RGS6: variants seen among roughly 807,000 people sequenced by gnomAD.
The protein encoded by RGS6 is regulator of G protein signaling 6.
A neutral mutation model predicts 78.5 loss-of-function variants in RGS6; 30 were observed. The ratio of observed to expected loss-of-function variants is 0.38; its 90% CI spans 0.29 to 0.52. The LOEUF (loss-of-function observed/expected upper bound fraction) is 0.52. RGS6 is among the 20% of genes least tolerant of loss of function. RGS6 has a pLI of 0.85. For synonymous variants in RGS6, 206 were observed against 206.0 expected, an observed-to-expected ratio of 1.00 and a Z score of 0.00; for missense variants, 495 against 609.7, an observed-to-expected ratio of 0.81 and a Z score of 1.98.
chr14:72,062,908 C>A (rs2093962908), intron 2 of RGS6, among the ~76,000 whole-genome samples: 1 of 152,226 alleles, frequency 6.6e-6, no homozygotes, highest in East Asian at 1.9e-4. Context: ...CTCACTGCAC[C>A]CTCTGCCACC....
At chr14:72,400,210 A>G (rs746526278) in intron 3 of RGS6, among the ~76,000 whole-genome samples, 1 of 152,258 alleles carries the variant, frequency 6.6e-6, no homozygotes, top group African/African-American at 2.4e-5. Flanking sequence ...TCTCTAAGCC[A>G]GAAGAGAGTG....
intron 1 of RGS6, among the ~76,000 whole-genome samples, chr14:71,947,020 A>G (rs2091624653): frequency 6.6e-6 from 1 of 152,186 alleles, no homozygotes; most frequent in Non-Finnish European, 1.5e-5. Context: ...TGCCACAGTG[A>G]ATTTCCAGTT....
chr14:71,981,995 G>A (rs560665250), intron 2 of RGS6, among the ~76,000 whole-genome samples: 59 of 152,122 alleles, frequency 3.9e-4, no homozygotes, highest in African/African-American at 1.3e-3. Flanking sequence ...GTGGTGCGCC[G>A]TTTTTTAAGC....
intron 2 of RGS6, among the ~76,000 whole-genome samples, chr14:72,204,947 A>G (rs888039408): frequency 1.1e-4 from 17 of 152,332 alleles, no homozygotes; most frequent in Admixed American, 5.9e-4. Flanking sequence ...TTTGGCCACC[A>G]TGGACTCCAG....
intron 2 of RGS6, among the ~76,000 whole-genome samples, chr14:72,273,404 A>T (rs1252328463): frequency 6.6e-6 from 1 of 151,968 alleles, no homozygotes; most frequent in East Asian, 1.9e-4. Context: ...CTTTAATCAC[A>T]GCTGTGTGGA....
intron 2 of RGS6, among the ~76,000 whole-genome samples, chr14:71,975,968 C>A (rs1488268023): frequency 4.6e-5 from 7 of 152,090 alleles, no homozygotes; most frequent in Non-Finnish European, 8.8e-5. Context: ...TTCACTAATT[C>A]TCTCTTCAAT....
chr14:72,317,573 A>G (rs1429594056), intron 2 of RGS6, among the ~76,000 whole-genome samples: 1 of 152,060 alleles, frequency 6.6e-6, no homozygotes, highest in Non-Finnish European at 1.5e-5. Context: ...GAAGGTCAAT[A>G]CTTGATTTGG....
intron 2 of RGS6, among the ~76,000 whole-genome samples, chr14:72,167,082 G>C (rs185833642): frequency 3.3e-5 from 5 of 151,986 alleles, no homozygotes; most frequent in African/African-American, 9.7e-5. Flanking sequence ...CCCTGCTTTC[G>C]AGTCTCTGAT....
chr14:71,966,879 GAC>G (rs2093553540), intron 2 of RGS6, among the ~76,000 whole-genome samples: 1 of 151,650 alleles, frequency 6.6e-6, no homozygotes, highest in African/African-American at 2.4e-5. Context: ...TTTTTTTTAA[GAC>G]ACAGGAAAAC....
At chr14:72,624,721 T>C in the RGS6 span, among the ~76,000 whole-genome samples, 1 of 152,118 alleles carries the variant, frequency 6.6e-6, no homozygotes, top group Non-Finnish European at 1.5e-5. Flanking sequence ...TATCCTTCAA[T>C]CTGTGACAGT....
At chr14:71,971,323 A>G (rs78374563) in intron 2 of RGS6, among the ~76,000 whole-genome samples, 3,031 of 152,200 alleles carry the variant, frequency 0.02, 101 homozygotes, top group African/African-American at 0.068. Flanking sequence ...GAGAATCGCA[A>G]TGTCAGAGAA....
intron 1 of RGS6, among the ~76,000 whole-genome samples, chr14:71,935,141 C>T (rs1159177249): frequency 1.3e-5 from 2 of 152,162 alleles, no homozygotes; most frequent in Admixed American, 6.5e-5. Context: ...ACTATACACA[C>T]ACTATCCTGC....
At chr14:72,099,752 T>C (rs995297650) in intron 2 of RGS6, among the ~76,000 whole-genome samples, 2 of 152,218 alleles carry the variant, frequency 1.3e-5, no homozygotes, top group African/African-American at 2.4e-5. Flanking sequence ...GGGGATTATT[T>C]GTCTTTAGAC....
At chr14:72,343,229 G>A (rs143714870) in intron 2 of RGS6, among the ~76,000 whole-genome samples, 1 of 152,356 alleles carries the variant, frequency 6.6e-6, no homozygotes. Flanking sequence ...TAGCAGGACT[G>A]TGTTTCTTTC....
intron 2 of RGS6, among the ~76,000 whole-genome samples, chr14:72,345,283 C>T (rs1286624345): frequency 6.6e-6 from 1 of 152,180 alleles, no homozygotes; most frequent in Non-Finnish European, 1.5e-5. Context: ...GTCAGCACCA[C>T]ACACATATGG....
At chr14:72,183,562 G>C (rs1318360229) in intron 2 of RGS6, among the ~76,000 whole-genome samples, 1 of 152,140 alleles carries the variant, frequency 6.6e-6, no homozygotes, top group African/African-American at 2.4e-5. Flanking sequence ...AGGACACACA[G>C]TTCCAATTGG....
At chr14:71,876,622 T>C in the RGS6 span, among the ~76,000 whole-genome samples, 1 of 151,868 alleles carries the variant, frequency 6.6e-6, no homozygotes, top group Non-Finnish European at 1.5e-5. Context: ...GTCTTGACTC[T>C]TTATCCGATT....
intron 1 of RGS6, among the ~76,000 whole-genome samples, chr14:71,948,938 C>T (rs938145513): frequency 6.6e-6 from 1 of 151,996 alleles, no homozygotes; most frequent in African/African-American, 2.4e-5. Flanking sequence ...TATGCCTGTA[C>T]ACTTTCTTTC....
intron 12 of RGS6, among the ~76,000 whole-genome samples, chr14:72,492,345 A>T (rs149548908): frequency 1.3e-5 from 2 of 152,286 alleles, no homozygotes; most frequent in Non-Finnish European, 2.9e-5. Flanking sequence ...GAGGGGAGGA[A>T]ACCCAGCAAG....
Sources: allele counts gnomAD v4.1 joint callset (sites outside exome capture counted in the v4.1 genomes callset), GRCh38; gene constraint gnomAD v4.1.1; transcripts MANE v1.5; gene names NCBI Gene and HGNC (gene_info 2026-07-23, HGNC 2026-07-21).